The following TRPM4 variants were observed in gnomAD, a reference collection of about 807,000 sequenced individuals.
TRPM4 encodes calcium-activated non-selective cation channel 1.
Under a neutral mutation model 135.6 loss-of-function variants are expected in TRPM4, and 124 were observed. That is an observed-to-expected ratio of 0.91 (90% CI 0.79 to 1.06). The LOEUF is 1.06. Ranked by LOEUF, TRPM4 falls within the 50% of genes least tolerant of loss-of-function variation. TRPM4 has a pLI of 0.00. For synonymous variants in TRPM4, 745 were observed against 705.6 expected (o/e 1.06, Z -0.88); for missense variants, 1,658 against 1,671.4 (o/e 0.99, Z 0.14).
chr19:49,203,324 CGT>C (rs1969016440), intron 20 of TRPM4, among the ~76,000 whole-genome samples: 7 of 151,798 alleles, frequency 4.6e-5, no homozygotes, highest in Non-Finnish European at 8.8e-5. Context: ...GGACTACAGG[CGT>C]GCGCCACCAC....
chr19:49,197,362 T>C (rs71352741), intron 17 of TRPM4, among the ~76,000 whole-genome samples: 10,813 of 89,436 alleles, frequency 0.12, 542 homozygotes, highest in Middle Eastern at 0.15. Flanking sequence ...CTTTCTTTCT[T>C]TCTCTCTCTT....
intron 2 of TRPM4, among the ~76,000 whole-genome samples, chr19:49,164,636 C>T (rs1329054613): frequency 4.6e-5 from 7 of 151,808 alleles, no homozygotes; most frequent in African/African-American, 1.7e-4. Flanking sequence ...CCCGCCTCAG[C>T]CTCCCAAAGT....
intron 2 of TRPM4, 97 bp downstream of exon 2, chr19:49,158,356 T>G: frequency 1.7e-6 from 2 of 1,163,866 alleles, no homozygotes; most frequent in South Asian, 2.4e-5. Flanking sequence ...TCCCCATTCC[T>G]GGACTCGGGG....
chr19:49,211,096 T>A lies in TRPM4; in HGVS notation c.3534+9T>A, dbSNP rs1969348544. On this transcript the variant is annotated intron_variant, in intron 23 of 24. Transcript: ENST00000252826. The surrounding 1 kb of genome is among the most constrained non-coding windows in gnomAD (Gnocchi z 4.8). ...AAGTGCTGGAGCGGGAGGTGAGGCCTTGGGGCCTGGCTGGGGGACTGTGGC... is the reference window on the plus strand; with the variant it reads ...AAGTGCTGGAGCGGGAGGTGAGGCCATGGGGCCTGGCTGGGGGACTGTGGC... The A allele has an allele frequency of 6.2e-7, 1 of 1,613,752 alleles. No homozygotes were observed. The highest frequency in any genetic ancestry group is 1.3e-5 in the African/African-American group (1 of 74,914).
Position 49,210,763 on chromosome 19 carries a change from C to T in TRPM4, c.3382C>T (p.His1128Tyr). The T allele has an allele frequency of 1.2e-6, 2 of 1,614,146 alleles. No individual in the cohort carries two copies. Among genetic ancestry groups the T allele is most frequent in the South Asian group, 1.1e-5 (1 of 91,048 alleles). Residue 1128 changes from histidine (H) to tyrosine (Y), a missense_variant, in exon 22 of 25, where the codon CAT (histidine) becomes TAT (tyrosine). By Grantham distance (83) the His-to-Tyr change is moderately conservative (BLOSUM62 2). Transcript: ENST00000252826. This position sits in a 1 kb window ranked among gnomAD's most constrained non-coding sequence, Gnocchi z 4.1. ...GAAGCTGCTAACGTGGGAATCGGTG[C>T]ATAAGGAGAACTTTCTGCTGGCACG... ...ERKLLTWESV[H>Y]KENFLLARAR...
chr19:49,195,074 C>CT (rs1198495532), intron 16 of TRPM4, among the ~76,000 whole-genome samples: 12 of 149,854 alleles, frequency 8.0e-5, no homozygotes, highest in East Asian at 5.9e-4. Flanking sequence ...ACTTTTTTTT[C>CT]TTTTTTTTTA....
In TRPM4 at chr19:49,160,212, C is replaced by A. The variant is rs554445651; in HGVS notation, c.92+1953C>A. On this transcript the variant is annotated intron_variant, in intron 2 of 24. Coordinates refer to ENST00000252826, the MANE Select transcript of TRPM4 (RefSeq NM_017636.4). ...AGGCCCATGGAAAGCGATTTGGGGC[C>A]GGGCATTGTGGCTCACGCCTGTCAT... 7.9e-5 allele frequency among the ~76,000 whole-genome samples: 12 copies of A among 152,188 alleles called. No homozygotes were observed. The South Asian group carries it at 2.3e-3, about 29-fold the overall frequency.
intron 2 of TRPM4, among the ~76,000 whole-genome samples, chr19:49,160,108 G>C (rs1966906336): frequency 6.6e-6 from 1 of 152,162 alleles, no homozygotes; most frequent in African/African-American, 2.4e-5. Context: ...AGACTGGGAG[G>C]GGACACAAAA....
chr19:49,157,975 G>A (rs1465485312), intron 1 of TRPM4, 85 bp downstream of exon 1: 7 of 1,465,858 alleles, frequency 4.8e-6, no homozygotes, highest in Non-Finnish European at 6.5e-6. Flanking sequence ...TGGACACCCA[G>A]ATTCCTGGGT....
intron 16 of TRPM4, among the ~76,000 whole-genome samples, chr19:49,195,871 T>TATG (rs995681394): frequency 3.1e-4 from 47 of 149,528 alleles, no homozygotes; most frequent in African/African-American, 1.0e-3. Context: ...TTATTTATTT[T>TATG]ATTATTATTA....
chr19:49,166,928 G>A lies in TRPM4; in HGVS notation c.267+713G>A, dbSNP rs548371761. On this transcript the variant is annotated intron_variant, in intron 3 of 24. Transcript: ENST00000252826. Reference sequence around the variant, plus strand: ...TCTCTGTCTGTTTCTCCGGGTCTCCGTCCCTGTCTCTCCGGGTCTCTGTTT... The same window carrying A: ...TCTCTGTCTGTTTCTCCGGGTCTCCATCCCTGTCTCTCCGGGTCTCTGTTT... Among the ~76,000 whole-genome samples the A allele has an allele frequency of 1.5e-3, 199 of 132,948 alleles. 7 individuals are homozygous for A. The highest frequency in any genetic ancestry group is 0.012 in the Middle Eastern group (2 of 166). The allele number at this position is 132,948 out of a possible 152,430, so 87.2% of individuals were successfully genotyped here. A position where few individuals can be genotyped will look rare whatever the true frequency, so the allele number is the denominator to read the frequency against.
chr19:49,180,812 C>A (rs1270799869), intron 9 of TRPM4, among the ~76,000 whole-genome samples: 1 of 152,048 alleles, frequency 6.6e-6, no homozygotes, highest in Non-Finnish European at 1.5e-5. Context: ...ATCTATCCAT[C>A]TATCCACCCT....
At chr19:49,180,420 A>G (rs1488687841) in intron 9 of TRPM4, among the ~76,000 whole-genome samples, 1 of 136,710 alleles carries the variant, frequency 7.3e-6, no homozygotes, top group African/African-American at 2.8e-5. Context: ...CACGTTTGTC[A>G]TCATCTGCTG....
chr19:49,190,209 C>A lies in TRPM4; in HGVS notation c.2021C>A (p.Ser674Tyr). The A allele has an allele frequency of 6.2e-7, 1 of 1,613,412 alleles. No homozygotes were observed. The highest frequency in any genetic ancestry group is 8.5e-7 in the Non-Finnish European group (1 of 1,179,326). Residue 674 changes from serine to tyrosine, a missense_variant and splice_region_variant, in exon 15 of 25, where the codon TCT becomes TAT. Ser to Tyr is a moderately radical substitution (Grantham distance 144, BLOSUM62 -2). Transcript: ENST00000252826. ...CCTAATCCTTCCCACCCCCCACAGT[C>A]TCTGCTGACACAGAAGTGGTGGGGA... ...RAFFAQDGVQ[S>Y]LLTQKWWGDM... is the part of the protein sequence containing the mutation.
chr19:49,162,852 C>T (rs1340946005), intron 2 of TRPM4, among the ~76,000 whole-genome samples: 2 of 151,954 alleles, frequency 1.3e-5, no homozygotes, highest in Non-Finnish European at 2.9e-5. Flanking sequence ...ACCTCCGCCT[C>T]CCGGGTTCAT....
chr19:49,200,789 G>T lies in TRPM4; in HGVS notation c.2953+4G>T. On this transcript the variant is annotated splice_donor_region_variant and intron_variant, in intron 19 of 24. Transcript: ENST00000252826. Reference sequence around the variant, plus strand: ...ATTCCCCAGGAGGACATGGACGGTAGGGGGGATGACGGCCTGACAGCCTTC... The same window carrying T: ...ATTCCCCAGGAGGACATGGACGGTATGGGGGATGACGGCCTGACAGCCTTC... 6.2e-7 allele frequency: 1 copy of T among 1,613,638 alleles called. No individual in the cohort carries two copies.
Position 49,188,779 on chromosome 19 carries a change from G to GGCA in TRPM4, c.1873+10_1873+12dup. ...TGAGGGGATGGGCGTTGGTGCGTGG[G>GGCA]GCACGGTGCCTGGGAGCAGGGACGG... On this transcript the variant is annotated intron_variant, in intron 13 of 24. Coordinates refer to ENST00000252826, the MANE Select transcript of TRPM4 (RefSeq NM_017636.4). 2 of 1,613,902 alleles carry GGCA rather than the reference G, an allele frequency of 1.2e-6. No homozygotes were observed. Among genetic ancestry groups the GGCA allele is most frequent in the Non-Finnish European group, 1.7e-6 (2 of 1,179,912 alleles).
At position 49,171,546 on chromosome 19, in the gene TRPM4, C is replaced by T. The variant is rs373649726; in HGVS notation, c.859-32C>T. The T allele has an allele frequency of 1.1e-5, 18 of 1,613,252 alleles. No individual in the cohort carries two copies. The highest frequency in any genetic ancestry group is 8.9e-5 in the East Asian group (4 of 44,858). ...AGGGTGAATATCCTGCCTTTTCTGACGTGATGAATAAAGAATGCCTTTATC... is the reference window on the plus strand; with the variant it reads ...AGGGTGAATATCCTGCCTTTTCTGATGTGATGAATAAAGAATGCCTTTATC... On this transcript the variant is annotated intron_variant, in intron 7 of 24. Transcript: ENST00000252826. The surrounding 1 kb of genome is among the most constrained non-coding windows in gnomAD (Gnocchi z 4.7).
chr19:49,210,900 A>G lies in TRPM4; in HGVS notation c.3461+58A>G, dbSNP rs2145998833. ...CTGGCCTGGGGCGGATCCTGACTTC[A>G]GCTGAAGGCAGGGTCCTGGGAGGGA... On this transcript the variant is annotated intron_variant, in intron 22 of 24. Transcript: ENST00000252826. The surrounding 1 kb of genome is among the most constrained non-coding windows in gnomAD (Gnocchi z 4.1). The G allele has an allele frequency of 6.7e-7, 1 of 1,498,210 alleles. No individual in the cohort carries two copies. 92.8% of individuals were successfully genotyped at this position (1,498,210 alleles called of 1,614,324 possible). A position where few individuals can be genotyped will look rare whatever the true frequency, so the allele number is the denominator to read the frequency against.
Sources: allele counts gnomAD v4.1 joint callset (sites outside exome capture counted in the v4.1 genomes callset), GRCh38; gene constraint gnomAD v4.1.1; non-coding constraint Gnocchi (gnomAD v3.1); transcripts MANE v1.5; gene names NCBI Gene and HGNC (gene_info 2026-07-23, HGNC 2026-07-21).